The following KYNU variants were observed in gnomAD, a reference collection of about 807,000 sequenced individuals.
The protein encoded by KYNU is kynureninase.
A neutral mutation model predicts 59.2 loss-of-function variants in KYNU; 54 were observed. The observed-to-expected ratio is 0.91, with a 90% CI of 0.73 to 1.14. KYNU has a LOEUF of 1.14. Among genes scored for constraint, KYNU ranks in the 50% most tolerant of loss-of-function variants. The pLI, the probability that KYNU is intolerant of heterozygous loss-of-function variation, is 0.00. For missense variants in KYNU, 567 were observed against 554.4 expected (o/e 1.02, Z -0.23); for synonymous variants, 177 against 192.0 (o/e 0.92, Z 0.65).
In KYNU at chr2:143,051,964, C is replaced by G. The variant is rs1370388874; in HGVS notation, c.*9792C>G. The G allele has an allele frequency of 6.6e-6, 1 of 152,412 alleles. No individual in the cohort carries two copies. Among genetic ancestry groups the G allele is most frequent in the Non-Finnish European group, 1.5e-5 (1 of 68,262 alleles). The allele number at this position is 152,412 out of a possible 1,614,324, so 9.4% of individuals were successfully genotyped here. A position where few individuals can be genotyped will look rare whatever the true frequency, so the allele number is the denominator to read the frequency against. ...GAAAGTGTGGGAAATTTGGAACTCC[C>G]TAGAGACTTGTTGAATGGCTTTAAC... On this transcript the variant is annotated 3_prime_UTR_variant, in exon 14 of 14. Coordinates refer to ENST00000264170, the MANE Select transcript of KYNU (RefSeq NM_003937.3).
intron 10 of KYNU, among the ~76,000 whole-genome samples, chr2:142,987,496 T>C (rs16858449): frequency 0.049 from 7,458 of 151,992 alleles, 588 homozygotes; most frequent in African/African-American, 0.17. Flanking sequence ...AATTTCAAAA[T>C]CTTCTAGACA....
intron 10 of KYNU, among the ~76,000 whole-genome samples, chr2:143,001,609 T>C (rs915077258): frequency 3.2e-4 from 48 of 152,188 alleles, no homozygotes; most frequent in Non-Finnish European, 5.3e-4. Context: ...GCTGGCTTGT[T>C]AAGATACTCA....
At chr2:142,986,160 A>G in intron 10 of KYNU, 139 bp downstream of exon 10, 1 of 646,256 alleles carries the variant, frequency 1.5e-6, no homozygotes, top group Non-Finnish European at 2.8e-6. Flanking sequence ...TACTCTGCTA[A>G]CAACAATATA....
chr2:142,908,640 AT>A lies in KYNU; in HGVS notation c.170-9957del, dbSNP rs5834926. 3.1e-4 allele frequency among the ~76,000 whole-genome samples: 46 copies of A among 149,404 alleles called. 1 individual carries two copies. The highest frequency in any genetic ancestry group is 6.6e-4 in the African/African-American group (27 of 40,856). On this transcript the variant is annotated intron_variant, in intron 2 of 13. Transcript: ENST00000264170. The stretch of plus-strand genomic sequence containing the variant: ...GTCCTAATAAAATATGAAATGATCA[AT>A]TTTTTTTTTTTGAGATGGAGTCTTG...
Position 142,954,650 on chromosome 2 carries a change from G to A in KYNU, c.374-160G>A, listed in dbSNP as rs1573834869. Among the ~76,000 whole-genome samples, 3 of 152,176 alleles carry A rather than the reference G, an allele frequency of 2.0e-5. No homozygotes were observed. In the Middle Eastern group the frequency reaches 0.01, roughly 518 times the overall value. ...AAGTCCAGATATCATTTGATAAAAT[G>A]AGTCAAGTGGGAAAACTTCCATTTC... On this transcript the variant is annotated intron_variant, in intron 4 of 13. Coordinates refer to ENST00000264170, the MANE Select transcript of KYNU (RefSeq NM_003937.3).
chr2:142,984,495 C>G (rs1179951237), intron 8 of KYNU, among the ~76,000 whole-genome samples: 1 of 152,058 alleles, frequency 6.6e-6, no homozygotes, highest in East Asian at 1.9e-4. Flanking sequence ...GTTGCTCTTT[C>G]ATGCAGAAAT....
rs1274716044 is a variant in KYNU at position 143,004,726 on chromosome 2, A to AT, written c.902+18710dup. Among the ~76,000 whole-genome samples the AT allele has an allele frequency of 6.6e-5, 10 of 152,232 alleles. No individual in the cohort carries two copies. In the East Asian group the frequency reaches 1.7e-3, roughly 26 times the overall value. On this transcript the variant is annotated intron_variant, in intron 10 of 13. Coordinates refer to ENST00000264170, the MANE Select transcript of KYNU (RefSeq NM_003937.3). Reference sequence around the variant, plus strand: ...AAAAATAAAAATAAAGGCAATATTCATTTTTCCTCCCGAGCATACAATACT... The same window carrying AT: ...AAAAATAAAAATAAAGGCAATATTCATTTTTTCCTCCCGAGCATACAATACT...
chr2:142,905,980 CTT>C (rs1266357983), intron 2 of KYNU, among the ~76,000 whole-genome samples: 1 of 151,978 alleles, frequency 6.6e-6, no homozygotes, highest in Non-Finnish European at 1.5e-5. Flanking sequence ...CTTTCTATTT[CTT>C]TCTCTCTCTC....
At chr2:142,969,116 T>G (rs1026897943) in intron 8 of KYNU, among the ~76,000 whole-genome samples, 9 of 152,172 alleles carry the variant, frequency 5.9e-5, no homozygotes, top group African/African-American at 2.2e-4. Flanking sequence ...TGAACTCCTG[T>G]AGTTTAACTC....
chr2:143,051,370 T>C lies in KYNU; in HGVS notation c.*9198T>C, dbSNP rs1172856824. ...AAACCTTCTTTATAAACCAGAATCTTAACAGGAAGAGTGCTCATTTTAATT... is the reference window on the plus strand; with the variant it reads ...AAACCTTCTTTATAAACCAGAATCTCAACAGGAAGAGTGCTCATTTTAATT... On this transcript the variant is annotated 3_prime_UTR_variant, in exon 14 of 14. Coordinates refer to ENST00000264170, the MANE Select transcript of KYNU (RefSeq NM_003937.3). 2.0e-5 allele frequency: 3 copies of C among 152,178 alleles called. No homozygotes were observed. Among genetic ancestry groups the C allele is most frequent in the African/African-American group, 7.2e-5 (3 of 41,448 alleles). 9.4% of individuals were successfully genotyped at this position (152,178 alleles called of 1,614,324 possible).
At chr2:142,907,928 G>A (rs1339105924) in intron 2 of KYNU, among the ~76,000 whole-genome samples, 2 of 152,058 alleles carry the variant, frequency 1.3e-5, no homozygotes, top group East Asian at 1.9e-4. Context: ...ACACAGACAA[G>A]CCATTTAAAA....
intron 7 of KYNU, among the ~76,000 whole-genome samples, chr2:142,958,988 T>C (rs527506028): frequency 6.6e-6 from 1 of 152,252 alleles, no homozygotes; most frequent in South Asian, 2.1e-4. Flanking sequence ...ATATAAAGTA[T>C]ACTTCACTTA....
chr2:143,024,239 T>C (rs13035454), intron 10 of KYNU, among the ~76,000 whole-genome samples: 36,163 of 151,800 alleles, frequency 0.24, 5,259 homozygotes, highest in African/African-American at 0.4. Flanking sequence ...AGTAAAACTA[T>C]GTTAACTCCT....
At chr2:142,905,201 G>A (rs1356680044) in intron 2 of KYNU, among the ~76,000 whole-genome samples, 8 of 144,616 alleles carry the variant, frequency 5.5e-5, no homozygotes, top group South Asian at 2.1e-4. Context: ...TTTTGGGTAC[G>A]AAATATGAGA....
chr2:142,884,257 A>G (rs928828375), intron 1 of KYNU, among the ~76,000 whole-genome samples: 46 of 152,258 alleles, frequency 3.0e-4, no homozygotes, highest in African/African-American at 1.1e-3. Context: ...CAGCAGGTGG[A>G]TGAATCTCTT....
At chr2:142,903,750 C>G (rs868084655) in intron 2 of KYNU, among the ~76,000 whole-genome samples, 1 of 152,300 alleles carries the variant, frequency 6.6e-6, no homozygotes, top group African/African-American at 2.4e-5. Flanking sequence ...GGACCTTCGT[C>G]CCCTGGGGCA....
chr2:142,936,515 G>A (rs1683395299), intron 4 of KYNU, among the ~76,000 whole-genome samples: 1 of 152,252 alleles, frequency 6.6e-6, no homozygotes, highest in African/African-American at 2.4e-5. Flanking sequence ...AGACCGTCCT[G>A]GACAGCTGGA....
chr2:142,964,446 T>A (rs1040079142), intron 8 of KYNU, among the ~76,000 whole-genome samples: 3 of 152,230 alleles, frequency 2.0e-5, no homozygotes, highest in East Asian at 1.9e-4. Context: ...CAATAGTTAC[T>A]GTTTTCAGTC....
At chr2:143,017,733 C>T (rs184496276) in intron 10 of KYNU, among the ~76,000 whole-genome samples, 58 of 151,986 alleles carry the variant, frequency 3.8e-4, no homozygotes, top group African/African-American at 1.3e-3. Flanking sequence ...CCATAATGCC[C>T]GGCCATTTTT....
Sources: allele counts gnomAD v4.1 joint callset (sites outside exome capture counted in the v4.1 genomes callset), GRCh38; gene constraint gnomAD v4.1.1; transcripts MANE v1.5; gene names NCBI Gene and HGNC (gene_info 2026-07-23, HGNC 2026-07-21).